ITM2B: variants seen among roughly 807,000 people sequenced by gnomAD.
ITM2B encodes integral membrane protein 2B, also known as ABri/ADan amyloid peptide.
In ITM2B, 11 loss-of-function variants were observed where a neutral mutation model predicts 27.8. That is an observed-to-expected ratio of 0.40 (90% CI 0.25 to 0.66). The LOEUF (loss-of-function observed/expected upper bound fraction) is 0.66, where lower values mean the gene tolerates loss of function less well. Ranked by LOEUF, ITM2B falls within the 30% of genes least tolerant of loss-of-function variation. The probability of loss-of-function intolerance (pLI) is 0.43; values close to 1 mark genes in which losing one functional copy is unlikely to be tolerated. For synonymous variants in ITM2B, 114 were observed against 114.3 expected (o/e 1.00, Z 0.02); for missense variants, 296 against 328.9 (o/e 0.90, Z 0.77).
At position 48,253,864 on chromosome 13, in the gene ITM2B, C is replaced by T; in HGVS notation, c.174C>T (p.Cys58=). 1.9e-6 allele frequency: 3 copies of T among 1,613,574 alleles called. No homozygotes were observed. The highest frequency in any genetic ancestry group is 2.5e-6 in the Non-Finnish European group (3 of 1,179,642). The part of the protein sequence containing the change: ...GQRRAWCWCM[C]FGLAFMLAGV... ...GAAGAGCCTGGTGTTGGTGCATGTG[C>T]TTTGGACTAGCATTTATGCTTGCAG... Residue 58 remains cysteine (C), a synonymous_variant, in exon 2 of 6, where the codon TGC becomes TGT. Coordinates refer to ENST00000647800, the MANE Select transcript of ITM2B (RefSeq NM_021999.5).
At chr13:48,250,512 G>T (rs1436087684) in intron 1 of ITM2B, among the ~76,000 whole-genome samples, 1 of 152,024 alleles carries the variant, frequency 6.6e-6, no homozygotes, top group Non-Finnish European at 1.5e-5. Flanking sequence ...CAGCTACTCG[G>T]GAGACAGAGG....
chr13:48,238,951 A>T (rs1291862211), intron 1 of ITM2B, among the ~76,000 whole-genome samples: 2 of 152,194 alleles, frequency 1.3e-5, no homozygotes, highest in African/African-American at 2.4e-5. Flanking sequence ...AGTTAAGGAT[A>T]AAGCTTAAGT....
At chr13:48,239,562 A>G (rs1043364025) in intron 1 of ITM2B, among the ~76,000 whole-genome samples, 2 of 152,158 alleles carry the variant, frequency 1.3e-5, no homozygotes, top group Non-Finnish European at 2.9e-5. Flanking sequence ...AATCTGGGAG[A>G]TGGAGGCTGC....
intron 1 of ITM2B, among the ~76,000 whole-genome samples, chr13:48,241,197 C>T (rs1004421649): frequency 3.3e-5 from 5 of 152,208 alleles, no homozygotes; most frequent in Non-Finnish European, 5.9e-5. Flanking sequence ...CCATGTTTCT[C>T]ACTTTTTGCC....
chr13:48,250,516 A>G (rs1366185120), intron 1 of ITM2B, among the ~76,000 whole-genome samples: 5 of 151,952 alleles, frequency 3.3e-5, no homozygotes, highest in East Asian at 1.9e-4. Flanking sequence ...TACTCGGGAG[A>G]CAGAGGCAGA....
In ITM2B at chr13:48,256,245, A is replaced by G. The variant is rs1379900736; in HGVS notation, c.315A>G (p.Ala105=). The G allele has an allele frequency of 6.2e-7, 1 of 1,613,758 alleles. No homozygotes were observed. ...KDDVILNEPS[A]DAPAALYQTI... ...ATGTCATCTTAAATGAGCCCTCTGC[A>G]GATGCCCCAGCTGCTCTCTACCAGA... is the stretch of plus-strand genomic sequence containing the variant. The change falls in exon 3 of 6, where the codon GCA becomes GCG. Residue 105 remains alanine (A), a synonymous_variant. Transcript: ENST00000647800.
At chr13:48,240,212 TA>T (rs1197055974) in intron 1 of ITM2B, among the ~76,000 whole-genome samples, 27 of 152,174 alleles carry the variant, frequency 1.8e-4, no homozygotes, top group African/African-American at 6.0e-4. Flanking sequence ...TATTTTTATT[TA>T]TTTTTTTGTT....
chr13:48,236,545 A>C (rs1371552642), intron 1 of ITM2B, among the ~76,000 whole-genome samples: 1 of 152,186 alleles, frequency 6.6e-6, no homozygotes, highest in East Asian at 1.9e-4. Context: ...GCAGACATTA[A>C]ATTGTTTTAA....
chr13:48,233,298 C>A lies in ITM2B; in HGVS notation c.-63C>A, dbSNP rs11556903. 9.2e-7 allele frequency: 1 copy of A among 1,092,534 alleles called. No homozygotes were observed. The highest frequency in any genetic ancestry group is 1.3e-6 in the Non-Finnish European group (1 of 757,830). 67.7% of individuals were successfully genotyped at this position (1,092,534 alleles called of 1,614,324 possible). ...CGGCCGTAGAGGCTGCAATCGCAGC[C>A]GGGAGCCCGCAGCCCGCGCCCCGAG... On this transcript the variant is annotated 5_prime_UTR_variant, in exon 1 of 6. Coordinates refer to ENST00000647800, the MANE Select transcript of ITM2B (RefSeq NM_021999.5).
intron 1 of ITM2B, among the ~76,000 whole-genome samples, chr13:48,252,171 T>G (rs1951759475): frequency 6.6e-6 from 1 of 152,244 alleles, no homozygotes; most frequent in Non-Finnish European, 1.5e-5. Context: ...CACATTGTTC[T>G]TGGTTGCTTC....
intron 1 of ITM2B, among the ~76,000 whole-genome samples, chr13:48,237,570 T>C (rs888815015): frequency 6.6e-6 from 1 of 152,234 alleles, no homozygotes; most frequent in African/African-American, 2.4e-5. Context: ...AAAAGGTTTA[T>C]GTGACTGGAA....
At chr13:48,255,441 C>T (rs560309719) in intron 2 of ITM2B, among the ~76,000 whole-genome samples, 23 of 151,898 alleles carry the variant, frequency 1.5e-4, no homozygotes, top group Admixed American at 1.4e-3. Flanking sequence ...ACTACAGGTG[C>T]GTGGCACCAT....
chr13:48,235,450 T>TA (rs1488005210), intron 1 of ITM2B, among the ~76,000 whole-genome samples: 1 of 152,216 alleles, frequency 6.6e-6, no homozygotes, highest in Non-Finnish European at 1.5e-5. Context: ...AGTTGGTAGA[T>TA]AAAAAATGAC....
chr13:48,238,994 A>T (rs1951684671), intron 1 of ITM2B, among the ~76,000 whole-genome samples: 2 of 152,306 alleles, frequency 1.3e-5, no homozygotes, highest in South Asian at 4.1e-4. Context: ...ATATGATTAT[A>T]ATGTTTTAAA....
At chr13:48,256,031 C>T in intron 2 of ITM2B, 146 bp from the exon 3 acceptor site, 1 of 675,048 alleles carries the variant, frequency 1.5e-6, no homozygotes, top group Non-Finnish European at 2.7e-6. Context: ...TATGTTAACT[C>T]TGTAATTAAA....
At chr13:48,247,117 C>T (rs1029834322) in intron 1 of ITM2B, among the ~76,000 whole-genome samples, 6 of 152,150 alleles carry the variant, frequency 3.9e-5, no homozygotes, top group African/African-American at 9.7e-5. Flanking sequence ...TGAGCCACTG[C>T]GCTTGGCCGG....
chr13:48,259,478 C>T (rs990136519), intron 5 of ITM2B, among the ~76,000 whole-genome samples: 1 of 152,154 alleles, frequency 6.6e-6, no homozygotes, highest in East Asian at 1.9e-4. Flanking sequence ...ATAAGAATTA[C>T]AGTATCTCCC....
chr13:48,248,178 CAT>C (rs1259273912), intron 1 of ITM2B, among the ~76,000 whole-genome samples: 5 of 152,192 alleles, frequency 3.3e-5, no homozygotes, highest in Middle Eastern at 3.4e-3. Context: ...TTAAATATCA[CAT>C]ACTTACATAA....
At chr13:48,247,106 A>G (rs1350746581) in intron 1 of ITM2B, among the ~76,000 whole-genome samples, 5 of 152,194 alleles carry the variant, frequency 3.3e-5, no homozygotes, top group East Asian at 1.9e-4. Flanking sequence ...GATTACAGGC[A>G]TGAGCCACTG....
Sources: gnomAD v4.1 joint callset for allele counts (sites outside exome capture counted in the v4.1 genomes callset) on GRCh38, gnomAD v4.1.1 for gene constraint, MANE v1.5 for transcripts, NCBI Gene and HGNC (gene_info 2026-07-23, HGNC 2026-07-21) for gene names.